The following SBNO1 variants were observed in gnomAD, a reference collection of about 807,000 sequenced individuals.
SBNO1 encodes the protein protein strawberry notch homolog 1.
A neutral mutation model predicts 173.6 loss-of-function variants in SBNO1; 23 were observed. That is an observed-to-expected ratio of 0.13 (90% CI 0.10 to 0.19). The LOEUF is 0.19. SBNO1 is among the 10% of genes least tolerant of loss of function. The pLI is 1.00. For missense variants in SBNO1, 1,238 were observed against 1,671.2 expected (o/e 0.74, Z 4.52); for synonymous variants, 632 against 571.5 (o/e 1.11, Z -1.51).
intron 17 of SBNO1, 51 bp from the exon 18 acceptor site, chr12:123,320,917 G>A: frequency 7.3e-7 from 1 of 1,365,296 alleles, no homozygotes; most frequent in African/African-American, 1.5e-5. Context: ...AACAAGTACA[G>A]AATCTTCAAA....
At chr12:123,333,180 T>G (rs1186995052) in intron 7 of SBNO1, among the ~76,000 whole-genome samples, 1 of 152,096 alleles carries the variant, frequency 6.6e-6, no homozygotes, top group Non-Finnish European at 1.5e-5. Context: ...CCAGCCAAAT[T>G]AAAAGTTTTA....
chr12:123,363,811 T>G (rs1267589728), intron 1 of SBNO1: 8 of 969,332 alleles, frequency 8.3e-6, no homozygotes, highest in Non-Finnish European at 7.4e-6. Flanking sequence ...TCCGCAAACA[T>G]TAACCAAACA....
intron 3 of SBNO1, 80 bp downstream of exon 3, chr12:123,347,949 G>T: frequency 1.2e-6 from 1 of 814,908 alleles, no homozygotes; most frequent in Non-Finnish European, 2.0e-6. Flanking sequence ...CTACAGGTGC[G>T]AATCACCACA....
intron 30 of SBNO1, among the ~76,000 whole-genome samples, chr12:123,301,724 G>C (rs1288907976): frequency 6.6e-6 from 1 of 152,098 alleles, no homozygotes; most frequent in Non-Finnish European, 1.5e-5. Flanking sequence ...ACATTCCCTA[G>C]ATCTGGGACA....
intron 1 of SBNO1, among the ~76,000 whole-genome samples, chr12:123,350,877 G>A (rs192546096): frequency 0.014 from 1,421 of 104,498 alleles, 18 homozygotes; most frequent in Non-Finnish European, 0.016. Flanking sequence ...ATCCCAGCAC[G>A]CCAGGAAGCA....
rs1453011029 is a variant in SBNO1, at chr12:123,327,459, G to A, written c.1659C>T (p.Ser553=). The part of the protein sequence containing the change: ...FKIEEVLLSQ[S]YVKMYNKAVK... ...CAGCTTTGTTATACATTTTAACGTA[G>A]CTCTGAGAAAGAAGAACTTCCTCAA... The change falls in exon 13 of 32, where the codon AGC becomes AGT. Residue 553 remains serine (S), a synonymous_variant. Transcript: ENST00000602398. 6.2e-7 allele frequency: 1 copy of A among 1,613,712 alleles called. No individual in the cohort carries two copies.
Position 123,327,831 on chromosome 12 carries a change from A to C in SBNO1, c.1433-19T>G. On this transcript the variant is annotated intron_variant, in intron 11 of 31. Transcript: ENST00000602398. The stretch of plus-strand genomic sequence containing the variant: ...GAAGCACCTGAAAATCCCACAAATG[A>C]AATATATTATAGTTGAAAAAATAAC... 6.2e-7 allele frequency: 1 copy of C among 1,609,038 alleles called. No homozygotes were observed. Among genetic ancestry groups the C allele is most frequent in the South Asian group, 1.1e-5 (1 of 90,848 alleles).
chr12:123,313,229 T>C (rs1868823626), intron 24 of SBNO1, among the ~76,000 whole-genome samples: 1 of 145,374 alleles, frequency 6.9e-6, no homozygotes, highest in African/African-American at 2.5e-5. Flanking sequence ...AATAAATAAA[T>C]AAATAAATAA....
At chr12:123,338,152 C>G (rs1872077964) in intron 5 of SBNO1, among the ~76,000 whole-genome samples, 2 of 152,166 alleles carry the variant, frequency 1.3e-5, no homozygotes, top group South Asian at 4.1e-4. Flanking sequence ...GAACGTGGGC[C>G]TGGGGTTGTC....
chr12:123,315,473 C>A lies in SBNO1; in HGVS notation c.3049-29G>T, dbSNP rs375617897. ...TTAAAAACAAAAATTTCAATCAAGG[C>A]ACAGGTAACCTTTTACCAGAAAACA... On this transcript the variant is annotated intron_variant, in intron 22 of 31. Transcript: ENST00000602398. 10 of 1,597,970 alleles carry A rather than the reference C, an allele frequency of 6.3e-6. No homozygotes were observed. In the African/African-American group the frequency reaches 8.0e-5, roughly 13 times the overall value.
In SBNO1 at chr12:123,328,013, C is replaced by T. The variant is rs1593370095; in HGVS notation, c.1311G>A (p.Glu437=). The T allele has an allele frequency of 6.2e-7, 1 of 1,610,942 alleles. No individual in the cohort carries two copies. ...DDFDGVIVFD[E]CHKAKNLCPV... is the part of the protein sequence containing the mutation. ...GACATAAGTTTTTGGCTTTATGACACTCATCAAACACTATCTAAATGGAAT... is the reference window on the plus strand; with the variant it reads ...GACATAAGTTTTTGGCTTTATGACATTCATCAAACACTATCTAAATGGAAT... The change falls in exon 11 of 32, where the codon GAG becomes GAA. Residue 437 remains glutamate, a synonymous_variant. Transcript: ENST00000602398.
At chr12:123,308,763 T>C (rs1432927803) in intron 28 of SBNO1, among the ~76,000 whole-genome samples, 4 of 151,682 alleles carry the variant, frequency 2.6e-5, no homozygotes, top group Non-Finnish European at 4.4e-5. Context: ...AGGTCAGGAG[T>C]TCGAGACCAG....
intron 1 of SBNO1, chr12:123,363,875 G>C: frequency 1.0e-6 from 1 of 985,636 alleles, no homozygotes; most frequent in Non-Finnish European, 1.2e-6. Context: ...GGTCAGGAAA[G>C]AAACAATCAG....
intron 24 of SBNO1, among the ~76,000 whole-genome samples, chr12:123,311,677 T>A (rs963909000): frequency 2.7e-5 from 4 of 145,842 alleles, no homozygotes; most frequent in African/African-American, 1.0e-4. Flanking sequence ...TCATTACTTA[T>A]AATAAACAAG....
At position 123,321,665 on chromosome 12, in the gene SBNO1, G is replaced by A. The variant is rs776697879; in HGVS notation, c.2193C>T (p.Asp731=). The change falls in exon 17 of 32, where the codon GAC becomes GAT. Residue 731 remains aspartate (D), a synonymous_variant. Coordinates refer to ENST00000602398, the MANE Select transcript of SBNO1 (RefSeq NM_001167856.3). ...KVGGLTGSSS[D]DSGSESDASD... The stretch of plus-strand genomic sequence containing the variant: ...AGGCATCAGATTCACTTCCACTGTC[G>A]TCAGAACTGCTACCAGTAAGGCCAC... 1.1e-5 allele frequency: 18 copies of A among 1,613,796 alleles called. No individual in the cohort carries two copies. Among genetic ancestry groups the A allele is most frequent in the East Asian group, 2.2e-5 (1 of 44,880 alleles).
chr12:123,354,323 T>C (rs1048878462), intron 1 of SBNO1, among the ~76,000 whole-genome samples: 1 of 152,186 alleles, frequency 6.6e-6, no homozygotes. Flanking sequence ...TCTAATCTGA[T>C]GAATGACCTG....
Position 123,329,818 on chromosome 12 carries a change from A to C in SBNO1, c.1134+601T>G, listed in dbSNP as rs144937012. 7.2e-5 allele frequency among the ~76,000 whole-genome samples: 11 copies of C among 152,322 alleles called. No individual in the cohort carries two copies. The East Asian group carries it at 2.1e-3, about 29-fold the overall frequency. On this transcript the variant is annotated intron_variant, in intron 9 of 31. Transcript: ENST00000602398. ...GGGAGGCCCTTCCAGGAACCCTATC[A>C]GTCTATTTTAACCTTATAGCACCAA...
chr12:123,363,700 C>T (rs1055629984), intron 1 of SBNO1, among the ~76,000 whole-genome samples: 3 of 152,084 alleles, frequency 2.0e-5, no homozygotes, highest in Non-Finnish European at 4.4e-5. Flanking sequence ...CCGTTCTTTT[C>T]CCACGTTTCT....
intron 5 of SBNO1, among the ~76,000 whole-genome samples, chr12:123,338,373 C>G (rs2139029324): frequency 6.6e-6 from 1 of 151,456 alleles, no homozygotes; most frequent in East Asian, 2.0e-4. Context: ...GCCAACATGG[C>G]AAAACCCCGT....
Sources: gnomAD v4.1 joint callset for allele counts (sites outside exome capture counted in the v4.1 genomes callset) on GRCh38, gnomAD v4.1.1 for gene constraint, MANE v1.5 for transcripts, NCBI Gene and HGNC (gene_info 2026-07-23, HGNC 2026-07-21) for gene names.